The following PRDM5 variants were observed in gnomAD, a reference collection of about 807,000 sequenced individuals.
PRDM5 encodes the protein PR/SET domain 5.
A neutral mutation model predicts 81.2 loss-of-function variants in PRDM5; 56 were observed. The ratio of observed to expected loss-of-function variants is 0.69; its 90% CI spans 0.56 to 0.86. PRDM5 has a LOEUF of 0.86. PRDM5 is among the 40% of genes least tolerant of loss of function. The pLI is 0.00. For missense variants in PRDM5, 697 were observed against 770.1 expected (o/e 0.91, Z 1.12); for synonymous variants, 267 against 256.4 (o/e 1.04, Z -0.39).
chr4:120,793,116 T>C (rs948054888), intron 10 of PRDM5, among the ~76,000 whole-genome samples: 5 of 152,116 alleles, frequency 3.3e-5, no homozygotes. Context: ...GGCGGGCAAG[T>C]GAGTGAAGCT....
intron 3 of PRDM5, among the ~76,000 whole-genome samples, chr4:120,842,435 G>T (rs1274068988): frequency 1.3e-5 from 2 of 152,144 alleles, no homozygotes; most frequent in Non-Finnish European, 2.9e-5. Flanking sequence ...CAGGAAAGAG[G>T]CAGAAGAGCT....
At chr4:120,876,022 A>G (rs994831) in intron 2 of PRDM5, among the ~76,000 whole-genome samples, 10,088 of 152,274 alleles carry the variant, frequency 0.066, 487 homozygotes, top group Middle Eastern at 0.18. Flanking sequence ...AGCACAATAA[A>G]ATTTCTGATT....
rs1405075503 is a variant in PRDM5, at chr4:120,692,877, C to G, written c.*2234G>C. On this transcript the variant is annotated 3_prime_UTR_variant, in exon 16 of 16. Transcript: ENST00000264808. The stretch of plus-strand genomic sequence containing the variant: ...AAATAGTGTCTTTTTTTGGTTATTA[C>G]TAAGTAATTTAAAAGTTTTAGCAAG... 2.6e-5 allele frequency: 4 copies of G among 152,014 alleles called. No individual in the cohort carries two copies. The East Asian group carries it at 5.8e-4, about 22-fold the overall frequency. The allele number at this position is 152,014 out of a possible 1,614,324, so 9.4% of individuals were successfully genotyped here.
intron 2 of PRDM5, among the ~76,000 whole-genome samples, chr4:120,887,683 T>C (rs1763584189): frequency 6.6e-6 from 1 of 152,220 alleles, no homozygotes; most frequent in South Asian, 2.1e-4. Context: ...ATCTGGTTTC[T>C]TCACCTAGTT....
chr4:120,798,714 A>G (rs1751687874), intron 9 of PRDM5, among the ~76,000 whole-genome samples: 1 of 152,216 alleles, frequency 6.6e-6, no homozygotes, highest in Admixed American at 6.5e-5. Context: ...CCATGCTGAT[A>G]TGTGACAGTT....
At chr4:120,830,316 C>T (rs1047840628) in intron 3 of PRDM5, among the ~76,000 whole-genome samples, 3 of 152,038 alleles carry the variant, frequency 2.0e-5, no homozygotes, top group Admixed American at 6.6e-5. Flanking sequence ...AAGTGAACCA[C>T]GTCCAAGTGA....
At position 120,694,592 on chromosome 4, in the gene PRDM5, C is replaced by G. The variant is rs1485979638; in HGVS notation, c.*519G>C. ...AAATAGCAACTATTTATTTTCCTAT[C>G]AAACTTGAGACTTTGATAACTTATT... On this transcript the variant is annotated 3_prime_UTR_variant, in exon 16 of 16. Transcript: ENST00000264808. The G allele has an allele frequency of 6.4e-6, 1 of 155,644 alleles. No homozygotes were observed. Among genetic ancestry groups the G allele is most frequent in the African/African-American group, 2.4e-5 (1 of 41,452 alleles). The allele number at this position is 155,644 out of a possible 1,614,324, so 9.6% of individuals were successfully genotyped here.
At chr4:120,759,471 A>G (rs1388956355) in intron 13 of PRDM5, among the ~76,000 whole-genome samples, 2 of 152,220 alleles carry the variant, frequency 1.3e-5, no homozygotes, top group East Asian at 1.9e-4. Flanking sequence ...TTACCTGTAC[A>G]GTCAACAGGT....
chr4:120,885,305 T>G (rs1009130889), intron 2 of PRDM5, among the ~76,000 whole-genome samples: 4 of 152,082 alleles, frequency 2.6e-5, no homozygotes, highest in African/African-American at 9.7e-5. Flanking sequence ...TGCCACTAGC[T>G]TGAGGATTAA....
chr4:120,907,009 A>G (rs1288202426), intron 2 of PRDM5, among the ~76,000 whole-genome samples: 1 of 151,856 alleles, frequency 6.6e-6, no homozygotes, highest in East Asian at 1.9e-4. Flanking sequence ...TCTCTAAAAA[A>G]AAAAAAAAAA....
Position 120,907,543 on chromosome 4 carries a change from T to C in PRDM5, c.108A>G (p.Gly36=). 1.2e-6 allele frequency: 2 copies of C among 1,610,772 alleles called. No individual in the cohort carries two copies. Among genetic ancestry groups the C allele is most frequent in the Non-Finnish European group, 1.7e-6 (2 of 1,177,044 alleles). The part of the protein sequence containing the change: ...ARRVRKGEKF[G]PFAGEKRMPE... The stretch of plus-strand genomic sequence containing the variant: ...GCATTCTCTTCTCTCCAGCAAAGGG[T>C]CCGAACTTTTCACCCTGAGTAGCAA... The change falls in exon 2 of 16, where the codon GGA becomes GGG. Residue 36 remains glycine, a synonymous_variant. Coordinates refer to ENST00000264808, the MANE Select transcript of PRDM5 (RefSeq NM_018699.4).
intron 14 of PRDM5, among the ~76,000 whole-genome samples, chr4:120,730,409 T>C (rs1407290549): frequency 6.6e-6 from 1 of 152,204 alleles, no homozygotes; most frequent in African/African-American, 2.4e-5. Flanking sequence ...GGTAACTTTA[T>C]GTAGAAATAA....
At chr4:120,799,544 G>A in intron 9 of PRDM5, 117 bp downstream of exon 9, 3 of 1,462,582 alleles carry the variant, frequency 2.1e-6, no homozygotes, top group Non-Finnish European at 2.7e-6. Flanking sequence ...ACTACTAAAG[G>A]TCCAAAGCAG....
intron 10 of PRDM5, among the ~76,000 whole-genome samples, chr4:120,797,594 T>C (rs189811901): frequency 6.6e-6 from 1 of 152,314 alleles, no homozygotes; most frequent in Admixed American, 6.5e-5. Context: ...TACATGCTTT[T>C]GTCATTAAGA....
chr4:120,710,593 A>G (rs959247385), intron 14 of PRDM5, among the ~76,000 whole-genome samples, 180 bp from the exon 15 acceptor site: 1 of 152,118 alleles, frequency 6.6e-6, no homozygotes, highest in Non-Finnish European at 1.5e-5. Flanking sequence ...CATAATCCCC[A>G]TATGTCATGG....
intron 7 of PRDM5, among the ~76,000 whole-genome samples, chr4:120,813,639 C>T (rs535321027): frequency 6.6e-6 from 1 of 152,244 alleles, no homozygotes; most frequent in East Asian, 1.9e-4. Flanking sequence ...AACATGGCTA[C>T]TAAAGGAGAA....
intron 1 of PRDM5, among the ~76,000 whole-genome samples, chr4:120,919,655 A>C (rs1279040258): frequency 6.6e-6 from 1 of 152,192 alleles, no homozygotes; most frequent in Non-Finnish European, 1.5e-5. Context: ...ATGTATACTT[A>C]ATTTATGAGT....
At chr4:120,869,181 A>G (rs185136891) in intron 2 of PRDM5, among the ~76,000 whole-genome samples, 58 of 152,332 alleles carry the variant, frequency 3.8e-4, no homozygotes, top group Non-Finnish European at 7.8e-4. Flanking sequence ...TGCACTAAAA[A>G]TTCTTCAAAG....
chr4:120,836,495 T>G (rs939059608), intron 3 of PRDM5, among the ~76,000 whole-genome samples: 2 of 152,172 alleles, frequency 1.3e-5, no homozygotes, highest in African/African-American at 4.8e-5. Context: ...TGCCCTCAAT[T>G]CCAAATGACT....
Sources: allele counts gnomAD v4.1 joint callset (sites outside exome capture counted in the v4.1 genomes callset), GRCh38; gene constraint gnomAD v4.1.1; transcripts MANE v1.5; gene names NCBI Gene and HGNC (gene_info 2026-07-23, HGNC 2026-07-21).